Variants in CCDC171 observed in about 807,000 individuals in gnomAD.
CCDC171 encodes the protein coiled-coil domain-containing protein 171.
In CCDC171, 177 loss-of-function variants were observed where a neutral mutation model predicts 168.2. That is an observed-to-expected ratio of 1.05 (90% CI 0.93 to 1.19). The LOEUF (loss-of-function observed/expected upper bound fraction) is 1.19. CCDC171 is among the 50% of genes most tolerant of loss of function. The pLI, the probability that CCDC171 is intolerant of heterozygous loss-of-function variation, is 0.00. For synonymous variants in CCDC171, 687 were observed against 540.8 expected (o/e 1.27, Z -3.75); for missense variants, 1,991 against 1,539.0 (o/e 1.29, Z -4.91).
intron 7 of CCDC171, among the ~76,000 whole-genome samples, chr9:15,644,342 A>G (rs1249272467): frequency 6.6e-6 from 1 of 152,144 alleles, no homozygotes; most frequent in Non-Finnish European, 1.5e-5. Context: ...TGATTTCTGT[A>G]TTTCCAACTG....
Position 15,778,643 on chromosome 9 carries a change from C to CAAAAA in CCDC171, c.2899-307_2899-303dup, listed in dbSNP as rs527592822. 1.9e-4 allele frequency among the ~76,000 whole-genome samples: 11 copies of CAAAAA among 58,790 alleles called. 2 individuals are homozygous for CAAAAA. The highest frequency in any genetic ancestry group is 3.1e-4 in the Admixed American group (1 of 3,202). The allele number at this position is 58,790 out of a possible 152,430, so 38.6% of individuals were successfully genotyped here. On this transcript the variant is annotated intron_variant, in intron 19 of 25. Coordinates refer to ENST00000380701, the MANE Select transcript of CCDC171 (RefSeq NM_173550.4). ...CCTGGCCTACAGAGTAAGACTGTCT[C>CAAAAA]AAAAAAAAAAAAAAAAAAAAAAGGC... is the stretch of plus-strand genomic sequence containing the variant.
chr9:15,761,018 A>G (rs1216812896), intron 18 of CCDC171, among the ~76,000 whole-genome samples: 1 of 152,208 alleles, frequency 6.6e-6, no homozygotes, highest in African/African-American at 2.4e-5. Context: ...AATTCTTTAG[A>G]TAGCTGAACT....
At chr9:15,970,841 G>T (rs1831285108) in intron 25 of CCDC171, among the ~76,000 whole-genome samples, 1 of 152,246 alleles carries the variant, frequency 6.6e-6, no homozygotes, top group African/African-American at 2.4e-5. Context: ...AAACAATAGA[G>T]ACTGAGCACC....
At chr9:15,782,400 A>G (rs1277824972) in intron 20 of CCDC171, among the ~76,000 whole-genome samples, 1 of 152,026 alleles carries the variant, frequency 6.6e-6, no homozygotes, top group African/African-American at 2.4e-5. Flanking sequence ...GATTTTATTT[A>G]CTTTACAGAG....
chr9:16,032,125 C>G (rs1219659078), intron 6 of CCDC171, among the ~76,000 whole-genome samples: 1 of 152,142 alleles, frequency 6.6e-6, no homozygotes, highest in Non-Finnish European at 1.5e-5. Flanking sequence ...AAGTCCAAAC[C>G]TCATTTGCTT....
rs2057845261 is a variant in CCDC171 at position 15,784,684 on chromosome 9, A to G, written c.3257A>G (p.Glu1086Gly). The change falls in exon 21 of 26, where the codon GAA (glutamate) becomes GGA (glycine). Residue 1086 changes from glutamate to glycine, a missense_variant. Coordinates refer to ENST00000380701, the MANE Select transcript of CCDC171 (RefSeq NM_173550.4). ...GCTGACAAAAACCAAACTCTTGGAG[A>G]AGCTGTTAAGGTAAGAGAATAAAGG... ...EEADKNQTLG[E>G]AVKSLSEAKM... 1 of 1,611,262 alleles carries G rather than the reference A, an allele frequency of 6.2e-7. No individual in the cohort carries two copies. The highest frequency in any genetic ancestry group is 1.1e-5 in the South Asian group (1 of 90,850).
chr9:16,060,263 A>G (rs962513081), intron 1 of CCDC171, among the ~76,000 whole-genome samples: 1 of 152,126 alleles, frequency 6.6e-6, no homozygotes, highest in East Asian at 1.9e-4. Context: ...AGTTGTCAGT[A>G]CCGATGCTGA....
In CCDC171 at chr9:15,578,912, C is replaced by A. The variant is rs771168836; in HGVS notation, c.241C>A (p.Arg81=). ...CGAGGTTGAAAAGGGAGAAGCATTG[C>A]GACAAAGTCTGGAATATGACCTAGC... ...RSEVEKGEAL[R]QSLEYDLAVA... The change falls in exon 4 of 26, where the codon CGA becomes AGA. Residue 81 remains arginine, a synonymous_variant. Coordinates refer to ENST00000380701, the MANE Select transcript of CCDC171 (RefSeq NM_173550.4). 1 of 1,613,596 alleles carries A rather than the reference C, an allele frequency of 6.2e-7. No individual in the cohort carries two copies. Among genetic ancestry groups the A allele is most frequent in the Non-Finnish European group, 8.5e-7 (1 of 1,179,740 alleles).
intron 24 of CCDC171, among the ~76,000 whole-genome samples, chr9:15,880,468 T>TC (rs976103931): frequency 2.0e-5 from 3 of 151,468 alleles, no homozygotes; most frequent in Non-Finnish European, 4.4e-5. Flanking sequence ...TCTCTCTTTT[T>TC]TTTTTTTTGA....
At chr9:16,002,219 C>T (rs1291026530) in intron 3 of CCDC171, among the ~76,000 whole-genome samples, 2 of 144,814 alleles carry the variant, frequency 1.4e-5, no homozygotes, top group African/African-American at 5.2e-5. Context: ...TGTAAAACAA[C>T]CTCAGGTCCT....
At chr9:16,009,283 G>T (rs937666118) in intron 3 of CCDC171, among the ~76,000 whole-genome samples, 4 of 152,050 alleles carry the variant, frequency 2.6e-5, no homozygotes, top group South Asian at 2.1e-4. Context: ...ACTTCTGTCC[G>T]CTTGAAATAA....
At position 15,561,212 on chromosome 9, in the gene CCDC171, A is replaced by G. The variant is rs532049991; in HGVS notation, c.-111-2766A>G. On this transcript the variant is annotated intron_variant, in intron 1 of 25. Coordinates refer to ENST00000380701, the MANE Select transcript of CCDC171 (RefSeq NM_173550.4). ...TTCCCCTTGGGGTTGGTGTAGAGTG[A>G]AATGAGACAATATGTAGAAAGTTTT... Among the ~76,000 whole-genome samples the G allele has an allele frequency of 2.7e-3, 406 of 152,246 alleles. 3 individuals are homozygous for G. Among genetic ancestry groups the G allele is most frequent in the Middle Eastern group, 0.01 (3 of 294 alleles).
At chr9:15,699,669 T>G (rs903015168) in intron 11 of CCDC171, among the ~76,000 whole-genome samples, 1 of 152,052 alleles carries the variant, frequency 6.6e-6, no homozygotes, top group Non-Finnish European at 1.5e-5. Context: ...GATTGGTGAA[T>G]TCACAAACAC....
At chr9:15,986,539 G>A (rs965463890) in intron 3 of CCDC171, among the ~76,000 whole-genome samples, 3 of 152,128 alleles carry the variant, frequency 2.0e-5, no homozygotes, top group Admixed American at 6.5e-5. Flanking sequence ...ACCTGCTCTC[G>A]TAAAAATCCA....
Position 15,972,779 on chromosome 9 carries a change from C to T in CCDC171, c.*943C>T, listed in dbSNP as rs1267281778. The T allele has an allele frequency of 1.3e-5, 2 of 152,102 alleles. No homozygotes were observed. Among genetic ancestry groups the T allele is most frequent in the East Asian group, 1.9e-4 (1 of 5,198 alleles). 9.4% of individuals were successfully genotyped at this position (152,102 alleles called of 1,614,324 possible). On this transcript the variant is annotated 3_prime_UTR_variant, in exon 26 of 26. Transcript: ENST00000380701. ...AAGGCCATTGCCCTGCATTTTCTGC[C>T]TTGTAGCACACAAAAGTAAAATTGT...
intron 6 of CCDC171, among the ~76,000 whole-genome samples, chr9:15,596,616 T>A (rs1210165471): frequency 6.6e-6 from 1 of 151,930 alleles, no homozygotes; most frequent in Non-Finnish European, 1.5e-5. Context: ...TAGGATTGAC[T>A]TGGCAATGTG....
At chr9:15,747,523 G>A (rs766814863) in intron 18 of CCDC171, among the ~76,000 whole-genome samples, 102 of 152,166 alleles carry the variant, frequency 6.7e-4, no homozygotes, top group Non-Finnish European at 1.3e-3. Context: ...TCTGGCAGGT[G>A]CCCCTCTGGG....
At chr9:16,101,256 A>C in the CCDC171 span, among the ~76,000 whole-genome samples, 1 of 152,226 alleles carries the variant, frequency 6.6e-6, no homozygotes, top group Non-Finnish European at 1.5e-5. Flanking sequence ...CACCCAGTTA[A>C]ATTTGAATCT....
At chr9:16,063,168 T>A (rs1381814824), downstream of CCDC171, among the ~76,000 whole-genome samples, 1 of 152,100 alleles carries the variant, frequency 6.6e-6, no homozygotes. Flanking sequence ...AGCAGGAAAA[T>A]GCACAATGTG....
Sources: gnomAD v4.1 joint callset for allele counts (sites outside exome capture counted in the v4.1 genomes callset) on GRCh38, gnomAD v4.1.1 for gene constraint, MANE v1.5 for transcripts, NCBI Gene and HGNC (gene_info 2026-07-23, HGNC 2026-07-21) for gene names.